The following LAMC3 variants were observed in gnomAD, a reference collection of about 807,000 sequenced individuals.
LAMC3 encodes the protein laminin subunit gamma-3.
Under a neutral mutation model 173.8 loss-of-function variants are expected in LAMC3, and 128 were observed. The ratio of observed to expected loss-of-function variants is 0.74; its 90% CI spans 0.64 to 0.85. The LOEUF is 0.85. LAMC3 is among the 40% of genes least tolerant of loss of function. The pLI is 0.00. For synonymous variants in LAMC3, 897 were observed against 909.1 expected (o/e 0.99, Z 0.24); for missense variants, 2,022 against 2,156.0 (o/e 0.94, Z 1.23).
At chr9:131,016,797 AAG>A (rs1445647178) in intron 1 of LAMC3, among the ~76,000 whole-genome samples, 1 of 152,226 alleles carries the variant, frequency 6.6e-6, no homozygotes, top group Non-Finnish European at 1.5e-5. Flanking sequence ...CAAAAAAAGA[AAG>A]ACATCAAACT....
intron 1 of LAMC3, among the ~76,000 whole-genome samples, chr9:131,020,279 G>A (rs955918108): frequency 4.6e-5 from 7 of 152,130 alleles, no homozygotes; most frequent in Non-Finnish European, 1.5e-5. Context: ...GCCACCCACT[G>A]TTCTTGTTCT....
At chr9:131,017,598 C>T (rs987616973) in intron 1 of LAMC3, among the ~76,000 whole-genome samples, 5 of 149,138 alleles carry the variant, frequency 3.4e-5, no homozygotes, top group Admixed American at 6.7e-5. Flanking sequence ...TTGTGTTGGG[C>T]GCCTGTAATC....
At chr9:131,041,112 A>G (rs993745381) in intron 6 of LAMC3, among the ~76,000 whole-genome samples, 3 of 152,102 alleles carry the variant, frequency 2.0e-5, no homozygotes, top group Non-Finnish European at 4.4e-5. Context: ...CATGTATGTA[A>G]TCCTGGCACT....
rs141017502 is a variant in LAMC3, at chr9:131,054,117, C to A, written c.1939+1152C>A. On this transcript the variant is annotated intron_variant, in intron 11 of 27. Transcript: ENST00000361069. The stretch of plus-strand genomic sequence containing the variant: ...GTTTTTCTACCCTTCCAGCACCACG[C>A]AGGACATTTGAAAGTCATGTGGGGA... Among the ~76,000 whole-genome samples the A allele has an allele frequency of 2.2e-3, 337 of 152,308 alleles. 1 individual carries two copies. Among genetic ancestry groups the A allele is most frequent in the African/African-American group, 7.8e-3 (323 of 41,570 alleles).
Position 131,068,590 on chromosome 9 carries a change from CAA to C in LAMC3, c.2748-316_2748-315del, listed in dbSNP as rs34763045. Among the ~76,000 whole-genome samples the C allele has an allele frequency of 0.11, 16,900 of 152,186 alleles. 967 individuals are homozygous for C. Among genetic ancestry groups the C allele is most frequent in the South Asian group, 0.15 (743 of 4,820 alleles). ...GACTCCAGGGAAACACCAAGTGGAGCAAACAGGTTTCTTCCTTGCAGGACTTC... is the reference window on the plus strand; with the variant it reads ...GACTCCAGGGAAACACCAAGTGGAGCACAGGTTTCTTCCTTGCAGGACTTC... On this transcript the variant is annotated intron_variant, in intron 15 of 27. Coordinates refer to ENST00000361069, the MANE Select transcript of LAMC3 (RefSeq NM_006059.4).
In LAMC3 at chr9:131,041,645, C is replaced by G. The variant is rs776500074; in HGVS notation, c.1292C>G (p.Thr431Ser). The G allele has an allele frequency of 1.9e-6, 3 of 1,614,082 alleles. No homozygotes were observed. The highest frequency in any genetic ancestry group is 1.7e-6 in the Non-Finnish European group (2 of 1,180,014). Residue 431 changes from threonine (T) to serine (S), a missense_variant, in exon 7 of 28, where the codon ACT (threonine) becomes AGT (serine). Transcript: ENST00000361069. ...SLSEGGCRPC[T>S]CNPAGSLDTC... ...TCCTGTCTCATTGGCAGACCCTGCA[C>G]TTGCAATCCCGCTGGCAGCCTGGAC...
intron 6 of LAMC3, among the ~76,000 whole-genome samples, chr9:131,040,794 T>A (rs1045967933): frequency 6.6e-6 from 1 of 151,744 alleles, no homozygotes; most frequent in Non-Finnish European, 1.5e-5. Flanking sequence ...CACCTGCCCC[T>A]CGCCTGCACA....
chr9:131,084,912 C>A (rs1830303393), intron 24 of LAMC3, among the ~76,000 whole-genome samples: 1 of 149,638 alleles, frequency 6.7e-6, no homozygotes, highest in Admixed American at 6.7e-5. Flanking sequence ...GCACTCCAGC[C>A]TGGGTGACAG....
Position 131,087,702 on chromosome 9 carries a change from C to T in LAMC3, c.4378-16C>T, listed in dbSNP as rs1189685518. 2 of 1,613,624 alleles carry T rather than the reference C, an allele frequency of 1.2e-6. No individual in the cohort carries two copies. The highest frequency in any genetic ancestry group is 3.3e-5 in the Admixed American group (2 of 60,022). On this transcript the variant is annotated splice_polypyrimidine_tract_variant and intron_variant, in intron 26 of 27. Coordinates refer to ENST00000361069, the MANE Select transcript of LAMC3 (RefSeq NM_006059.4). Reference sequence around the variant, plus strand: ...GGGACGCCATTCAAGCTGTTTCTTCCTCCTCCCCCTGAAAGGTGGGTGCTG... The same window carrying T: ...GGGACGCCATTCAAGCTGTTTCTTCTTCCTCCCCCTGAAAGGTGGGTGCTG...
intron 27 of LAMC3, among the ~76,000 whole-genome samples, chr9:131,088,928 A>T (rs1365055500): frequency 2.0e-5 from 3 of 151,708 alleles, no homozygotes; most frequent in Non-Finnish European, 1.5e-5. Context: ...CTAAAGATAT[A>T]AAAAAAATTA....
chr9:131,061,804 C>T (rs1030074722), intron 13 of LAMC3, among the ~76,000 whole-genome samples: 12 of 152,026 alleles, frequency 7.9e-5, no homozygotes, highest in Non-Finnish European at 1.3e-4. Flanking sequence ...AATCTCAGCA[C>T]TTTGGGAAGC....
At chr9:131,081,757 G>A (rs1293859498) in intron 23 of LAMC3, among the ~76,000 whole-genome samples, 1 of 152,214 alleles carries the variant, frequency 6.6e-6, no homozygotes, top group African/African-American at 2.4e-5. Context: ...TTACAGGTGT[G>A]AGTCTCTGTG....
At chr9:131,078,263 G>A (rs888762109) in intron 22 of LAMC3, among the ~76,000 whole-genome samples, 3 of 152,016 alleles carry the variant, frequency 2.0e-5, no homozygotes, top group African/African-American at 4.8e-5. Context: ...AGGCTGAGGC[G>A]GGCGGATCAC....
In LAMC3 at chr9:131,060,950, A is replaced by G. The variant is rs1829796531; in HGVS notation, c.2159-85A>G. 7 of 1,398,308 alleles carry G rather than the reference A, an allele frequency of 5.0e-6. No homozygotes were observed. In the Admixed American group the frequency reaches 5.1e-5, roughly 10 times the overall value. The allele number at this position is 1,398,308 out of a possible 1,614,324, so 86.6% of individuals were successfully genotyped here. A position where few individuals can be genotyped will look rare whatever the true frequency, so the allele number is the denominator to read the frequency against. On this transcript the variant is annotated intron_variant, in intron 12 of 27. Coordinates refer to ENST00000361069, the MANE Select transcript of LAMC3 (RefSeq NM_006059.4). ...GGTCCCCACCCCACTTCTGCCCGGG[A>G]TGTGCTCCCTAACCTCTCCCACCGG... is the stretch of plus-strand genomic sequence containing the variant.
At chr9:131,021,090 T>A (rs995992327) in intron 1 of LAMC3, 3 of 152,204 alleles carry the variant, frequency 2.0e-5, no homozygotes, top group African/African-American at 7.2e-5. Flanking sequence ...AATTGTAGGT[T>A]CTTGCTTGGA....
chr9:131,067,621 G>A (rs1395613146), intron 14 of LAMC3, among the ~76,000 whole-genome samples: 1 of 152,204 alleles, frequency 6.6e-6, no homozygotes, highest in African/African-American at 2.4e-5. Context: ...CCACACTGAT[G>A]TGCTTGGAGC....
chr9:131,081,562 A>G (rs1442424065), intron 23 of LAMC3, among the ~76,000 whole-genome samples: 1 of 149,008 alleles, frequency 6.7e-6, no homozygotes, highest in African/African-American at 2.5e-5. Flanking sequence ...CCTCTGCCCC[A>G]TAGGTTCAAG....
chr9:131,077,709 A>C (rs1347747726), intron 22 of LAMC3, among the ~76,000 whole-genome samples: 20 of 140,992 alleles, frequency 1.4e-4, no homozygotes, highest in African/African-American at 3.9e-4. Context: ...AAAAAAAAAA[A>C]AAAACTATTA....
At chr9:131,044,636 C>T (rs1834116457) in intron 7 of LAMC3, among the ~76,000 whole-genome samples, 1 of 152,196 alleles carries the variant, frequency 6.6e-6, no homozygotes, top group East Asian at 1.9e-4. Context: ...AAGTCAGCAT[C>T]GCTTGGATGT....
Sources: gnomAD v4.1 joint callset for allele counts (sites outside exome capture counted in the v4.1 genomes callset) on GRCh38, gnomAD v4.1.1 for gene constraint, MANE v1.5 for transcripts, NCBI Gene and HGNC (gene_info 2026-07-23, HGNC 2026-07-21) for gene names.